KANSL3: variants seen among roughly 807,000 people sequenced by gnomAD.
KANSL3 encodes the protein KAT8 regulatory NSL complex subunit 3.
Under a neutral mutation model 89.2 loss-of-function variants are expected in KANSL3, and 16 were observed. The ratio of observed to expected loss-of-function variants is 0.18; its 90% CI spans 0.12 to 0.27. KANSL3 has a LOEUF of 0.27. KANSL3 is among the 10% of genes least tolerant of loss of function. The pLI is 1.00. For synonymous variants in KANSL3, 385 were observed against 419.7 expected (o/e 0.92, Z 1.01); for missense variants, 879 against 1,110.6 (o/e 0.79, Z 2.96).
At chr2:96,613,024 C>A (rs1334446510) in intron 6 of KANSL3, 90 bp from the exon 7 acceptor site, 2 of 807,656 alleles carry the variant, frequency 2.5e-6, no homozygotes, top group Non-Finnish European at 2.1e-6. Flanking sequence ...CTCATCCCAA[C>A]CAATGCTCCT....
chr2:96,637,634 G>C (rs1277238964), intron 1 of KANSL3, among the ~76,000 whole-genome samples: 3 of 152,216 alleles, frequency 2.0e-5, no homozygotes, highest in African/African-American at 7.2e-5. Context: ...GCTAGAGCGT[G>C]GGCACCCCTA....
chr2:96,600,708 A>G (rs2067055472), intron 20 of KANSL3: 5 of 985,322 alleles, frequency 5.1e-6, no homozygotes, highest in Non-Finnish European at 6.0e-6. Flanking sequence ...GGCTCCTCAG[A>G]TTACCATTTT....
downstream of KANSL3, among the ~76,000 whole-genome samples, chr2:96,592,615 G>A (rs2066296901): frequency 6.6e-6 from 1 of 152,184 alleles, no homozygotes; most frequent in South Asian, 2.1e-4. Flanking sequence ...ATGCAGAGTA[G>A]AAAAGACACT....
At chr2:96,597,312 G>C (rs2066632298) in intron 20 of KANSL3, among the ~76,000 whole-genome samples, 1 of 152,230 alleles carries the variant, frequency 6.6e-6, no homozygotes, top group South Asian at 2.1e-4. Context: ...TCCAAAGCCT[G>C]AGGAGATTCT....
rs751189340 is a variant in KANSL3 at position 96,637,103 on chromosome 2, C to T, written c.33G>A (p.Gln11=). Residue 11 remains glutamine (Q), a synonymous_variant, in exon 2 of 21, where the codon CAG becomes CAA. Transcript: ENST00000431828. ...AGGTGCCCATGCGTCGAGCTGAAGT[C>T]TGGAAGTCCCTCTCCCCACCCCGGT... The part of the protein sequence containing the change: MAHRGGERDF[Q]TSARRMGTSL... 6.4e-7 allele frequency: 1 copy of T among 1,551,674 alleles called. No homozygotes were observed. The highest frequency in any genetic ancestry group is 1.2e-5 in the South Asian group (1 of 84,056).
At chr2:96,600,962 T>C (rs1288729282) in intron 20 of KANSL3, 1 of 846,948 alleles carries the variant, frequency 1.2e-6, no homozygotes, top group Non-Finnish European at 1.4e-6. Context: ...TTGGGCAACA[T>C]AGTGAGATAT....
At chr2:96,602,975 T>C in intron 17 of KANSL3, 113 bp from the exon 18 acceptor site, 1 of 886,570 alleles carries the variant, frequency 1.1e-6, no homozygotes, top group Non-Finnish European at 1.8e-6. Context: ...TGCTTGCCCT[T>C]GGACACCCGT....
chr2:96,630,737 C>G (rs1288366463), intron 3 of KANSL3, among the ~76,000 whole-genome samples: 1 of 152,070 alleles, frequency 6.6e-6, no homozygotes, highest in Non-Finnish European at 1.5e-5. Context: ...TGAACAGGGA[C>G]AAATAACCAG....
At chr2:96,581,226 C>G in the KANSL3 span, among the ~76,000 whole-genome samples, 1 of 152,196 alleles carries the variant, frequency 6.6e-6, no homozygotes, top group Non-Finnish European at 1.5e-5. Flanking sequence ...GAGCTCGAGA[C>G]CAGCCTGACC....
At chr2:96,637,226 T>C in intron 1 of KANSL3, 41 bp from the exon 2 acceptor site, 1 of 742,680 alleles carries the variant, frequency 1.3e-6, no homozygotes, top group South Asian at 1.9e-5. Flanking sequence ...TCCAATATCC[T>C]AAATTTCTCC....
In KANSL3 at chr2:96,598,908, CAAAAAAAAAA is replaced by C. The variant is rs10551331; in HGVS notation, c.2616+2725_2616+2734del. ...CTGGGTGACAAGAGTGAGACTGTCT[CAAAAAAAAAA>C]AAAAAAAAAAAAAAAAAGGAAATGT... On this transcript the variant is annotated intron_variant, in intron 20 of 20. Transcript: ENST00000431828. 3.1e-4 allele frequency among the ~76,000 whole-genome samples: 14 copies of C among 44,970 alleles called. 1 individual carries two copies. Among genetic ancestry groups the C allele is most frequent in the Admixed American group, 1.2e-3 (4 of 3,278 alleles). 29.5% of individuals were successfully genotyped at this position (44,970 alleles called of 152,430 possible).
At chr2:96,585,011 A>G in the KANSL3 span, among the ~76,000 whole-genome samples, 1 of 152,222 alleles carries the variant, frequency 6.6e-6, no homozygotes, top group South Asian at 2.1e-4. Context: ...TTCTGGCTCA[A>G]ACGCTGCGGT....
intron 1 of KANSL3, 191 bp downstream of exon 1, chr2:96,638,091 GC>G (rs1189743872): frequency 6.6e-6 from 1 of 152,526 alleles, no homozygotes; most frequent in African/African-American, 2.4e-5. Flanking sequence ...CGTCACGGAG[GC>G]CCAGACGCGG....
At chr2:96,628,964 A>G (rs1158763931) in intron 3 of KANSL3, among the ~76,000 whole-genome samples, 1 of 152,132 alleles carries the variant, frequency 6.6e-6, no homozygotes, top group Non-Finnish European at 1.5e-5. Flanking sequence ...TGGGTTCTGG[A>G]GTCAGGCTGC....
Position 96,612,749 on chromosome 2 carries a change from ATTC to A in KANSL3, c.912+66_912+68del, listed in dbSNP as rs1000287855. On this transcript the variant is annotated intron_variant, in intron 7 of 20. Coordinates refer to ENST00000431828, the MANE Select transcript of KANSL3 (RefSeq NM_001115016.3). Reference sequence around the variant, plus strand: ...TACCCATTTTGACCTCCTCCCACATATTCTTCTCCTCAATCCTCCAAGACTATA... The same window carrying A: ...TACCCATTTTGACCTCCTCCCACATATTCTCCTCAATCCTCCAAGACTATA... 1.6e-5 allele frequency: 22 copies of A among 1,338,404 alleles called. No homozygotes were observed. In the African/African-American group the frequency reaches 2.6e-4, roughly 16 times the overall value. The allele number at this position is 1,338,404 out of a possible 1,614,324, so 82.9% of individuals were successfully genotyped here.
Position 96,605,446 on chromosome 2 carries a change from G to C in KANSL3, c.1807C>G (p.His603Asp), listed in dbSNP as rs1414366427. 6.2e-7 allele frequency: 1 copy of C among 1,613,858 alleles called. No individual in the cohort carries two copies. Among genetic ancestry groups the C allele is most frequent in the African/African-American group, 1.3e-5 (1 of 74,940 alleles). ...CCAGGAAGGGGACTCGAGGGATGGT[G>C]TCGCTTCAGCTGAACCCTAAGATCC... The part of the protein sequence containing the change: ...KEDLRVQLKR[H>D]HPSSPLPGSK... Residue 603 changes from histidine to aspartate, a missense_variant, in exon 15 of 21, where the codon CAC (histidine) becomes GAC (aspartate). By Grantham distance (81) the His-to-Asp change is moderately conservative (BLOSUM62 -1). Around this residue, in one of 6 missense-constraint regions of KANSL3, gnomAD observed 317 missense variants for 311.2 expected, o/e 1.02. Coordinates refer to ENST00000431828, the MANE Select transcript of KANSL3 (RefSeq NM_001115016.3).
downstream of KANSL3, among the ~76,000 whole-genome samples, chr2:96,592,720 C>T (rs966354021): frequency 2.6e-5 from 4 of 152,150 alleles, no homozygotes; most frequent in African/African-American, 9.7e-5. Flanking sequence ...AAGGAAATTA[C>T]AGGCTGGGTG....
intron 2 of KANSL3, among the ~76,000 whole-genome samples, chr2:96,635,503 T>G (rs189522439): frequency 6.6e-6 from 1 of 152,254 alleles, no homozygotes; most frequent in East Asian, 1.9e-4. Context: ...GAAGCTAATA[T>G]GCAGCAAAAA....
At chr2:96,584,474 A>C in the KANSL3 span, among the ~76,000 whole-genome samples, 2 of 152,232 alleles carry the variant, frequency 1.3e-5, no homozygotes, top group African/African-American at 4.8e-5. Context: ...GAACATTCAA[A>C]ATCTGGTTTT....
Sources: allele counts gnomAD v4.1 joint callset (sites outside exome capture counted in the v4.1 genomes callset), GRCh38; gene constraint gnomAD v4.1.1; regional missense constraint gnomAD v4.1.1; transcripts MANE v1.5; gene names NCBI Gene and HGNC (gene_info 2026-07-23, HGNC 2026-07-21).